The following SF3B1 variants were observed in gnomAD, a reference collection of about 807,000 sequenced individuals.
The protein encoded by SF3B1 is splicing factor 3b subunit 1.
SF3B1 carries 12 observed loss-of-function variants against 153.8 expected under a neutral mutation model. That is an observed-to-expected ratio of 0.08 (90% CI 0.05 to 0.13). The LOEUF is 0.13. SF3B1 is among the 10% of genes least tolerant of loss of function. The pLI, the probability that SF3B1 is intolerant of heterozygous loss-of-function variation, is 1.00. For synonymous variants in SF3B1, 498 were observed against 525.2 expected (o/e 0.95, Z 0.71); for missense variants, 513 against 1,606.1 (o/e 0.32, Z 11.63).
Position 197,405,371 on chromosome 2 carries a change from T to C in SF3B1, c.1341A>G (p.Gln447=). 6.2e-7 allele frequency: 1 copy of C among 1,614,056 alleles called. No homozygotes were observed. The highest frequency in any genetic ancestry group is 1.1e-5 in the South Asian group (1 of 91,072). ...PLGGMTGFHM[Q]TEDRTMKSVN... The stretch of plus-strand genomic sequence containing the variant: ...CACTTTTCATAGTTCGATCTTCAGT[T>C]TGCATGTGGAAACCAGTCATACCAC... The change falls in exon 10 of 25, where the codon CAA becomes CAG. Residue 447 remains glutamine (Q), a synonymous_variant. Transcript: ENST00000335508.
chr2:197,425,163 T>G (rs962024792), intron 1 of SF3B1, among the ~76,000 whole-genome samples: 1 of 148,518 alleles, frequency 6.7e-6, no homozygotes, highest in African/African-American at 2.5e-5. Context: ...CTCAAATAAA[T>G]AAATAAATGA....
chr2:197,399,288 A>G (rs940736328), intron 20 of SF3B1, among the ~76,000 whole-genome samples: 18 of 152,234 alleles, frequency 1.2e-4, no homozygotes, highest in Admixed American at 1.1e-3. Flanking sequence ...TGTGTATCGC[A>G]TAAATACCTC....
Position 197,391,745 on chromosome 2 carries a change from T to G in SF3B1, c.*558A>C, listed in dbSNP as rs190933450. The stretch of plus-strand genomic sequence containing the variant: ...CTACTTTTCTACGATGATGGAATGG[T>G]TGTGCTAGTTTGAGGGGAACATCCC... On this transcript the variant is annotated 3_prime_UTR_variant, in exon 25 of 25. Transcript: ENST00000335508. The G allele has an allele frequency of 1.3e-5, 2 of 153,236 alleles. No homozygotes were observed. Among genetic ancestry groups the G allele is most frequent in the East Asian group, 3.7e-4 (2 of 5,346 alleles). 9.5% of individuals were successfully genotyped at this position (153,236 alleles called of 1,614,324 possible).
Position 197,393,192 on chromosome 2 carries a change from C to CA in SF3B1, c.3540-5dup. On this transcript the variant is annotated splice_polypyrimidine_tract_variant and splice_region_variant and intron_variant, in intron 23 of 24. Coordinates refer to ENST00000335508, the MANE Select transcript of SF3B1 (RefSeq NM_012433.4). ...CGTCTGTCTGTGTACAAGGTCTCTA[C>CA]AACGGAAGGGAAAAAAGTCCTTTAA... The CA allele has an allele frequency of 1.2e-6, 2 of 1,608,192 alleles. No individual in the cohort carries two copies. The highest frequency in any genetic ancestry group is 1.7e-6 in the Non-Finnish European group (2 of 1,174,950).
chr2:197,408,900 G>T (rs1366549930), intron 7 of SF3B1, among the ~76,000 whole-genome samples: 2 of 152,052 alleles, frequency 1.3e-5, no homozygotes, highest in African/African-American at 4.8e-5. Flanking sequence ...TCTAGCTTGG[G>T]TGACAGAGCA....
rs2084896381 is a variant in SF3B1, at chr2:197,398,029, A to G, written c.3222T>C (p.Arg1074=). Residue 1074 remains arginine (R), a synonymous_variant, in exon 22 of 25, where the codon CGT becomes CGC. Coordinates refer to ENST00000335508, the MANE Select transcript of SF3B1 (RefSeq NM_012433.4). ...AACCAAATGTGTTGACTGTGGCTCT[A>G]CGAATAGCCTTTTTGTGGGCTTTTA... is the stretch of plus-strand genomic sequence containing the variant. ...ELLKAHKKAI[R]RATVNTFGYI... 6.2e-7 allele frequency: 1 copy of G among 1,613,434 alleles called. No homozygotes were observed. The highest frequency in any genetic ancestry group is 1.1e-5 in the South Asian group (1 of 91,064).
chr2:197,410,337 C>T (rs766826213), intron 6 of SF3B1, among the ~76,000 whole-genome samples: 4 of 152,056 alleles, frequency 2.6e-5, no homozygotes, highest in South Asian at 2.1e-4. Context: ...GATCAGTAAT[C>T]GAAGGCTTTC....
At chr2:197,419,188 G>A in intron 4 of SF3B1, 1 of 462,602 alleles carries the variant, frequency 2.2e-6, no homozygotes, top group South Asian at 4.5e-5. Context: ...TGTTGACCCA[G>A]AAAACATATT....
Position 197,393,120 on chromosome 2 carries a change from C to T in SF3B1, c.3608G>A (p.Gly1203Asp). 6.2e-7 allele frequency: 1 copy of T among 1,614,060 alleles called. No homozygotes were observed. ...CAAGTGATTCAGCGAATCTTCACAA[C>T]CAAATCCATAAACCCCAAGTGACAT... ...QHMSLGVYGF[G>D]CEDSLNHLLN... Residue 1203 changes from glycine to aspartate, a missense_variant, in exon 24 of 25, where the codon GGT (glycine) becomes GAT (aspartate). By Grantham distance (94) the Gly-to-Asp change is moderately conservative (BLOSUM62 -1). This residue lies in a region of SF3B1 where 27 missense variants were observed against 126.1 expected (regional missense o/e 0.21). Coordinates refer to ENST00000335508, the MANE Select transcript of SF3B1 (RefSeq NM_012433.4).
At position 197,400,597 on chromosome 2, in the gene SF3B1, G is replaced by C; in HGVS notation, c.2718+118C>G. 9.8e-7 allele frequency: 1 copy of C among 1,020,040 alleles called. No homozygotes were observed. The highest frequency in any genetic ancestry group is 1.4e-6 in the Non-Finnish European group (1 of 701,508). 63.2% of individuals were successfully genotyped at this position (1,020,040 alleles called of 1,614,324 possible). A position where few individuals can be genotyped will look rare whatever the true frequency, so the allele number is the denominator to read the frequency against. ...GAATAATATCGTTTGGTAACCCCCT[G>C]AGCATTTTAAAAATTACTTCAAATT... On this transcript the variant is annotated intron_variant, in intron 18 of 24. Transcript: ENST00000335508. This position sits in a 1 kb window ranked among gnomAD's most constrained non-coding sequence, Gnocchi z 5.0.
At position 197,392,570 on chromosome 2, in the gene SF3B1, TGGGGG is replaced by T. The variant is rs10686140; in HGVS notation, c.3757-114_3757-110del. 3 of 142,188 alleles carry T rather than the reference TGGGGG, an allele frequency of 2.1e-5. 1 individual carries two copies. Among genetic ancestry groups the T allele is most frequent in the Non-Finnish European group, 3.9e-5 (3 of 77,310 alleles). The allele number at this position is 142,188 out of a possible 1,614,324, so 8.8% of individuals were successfully genotyped here. ...TTCAAAATTATTTCCCTTGGGGAGT[TGGGGG>T]GGGGGGAACCTACTAATTACACTGC... On this transcript the variant is annotated intron_variant, in intron 24 of 24. Coordinates refer to ENST00000335508, the MANE Select transcript of SF3B1 (RefSeq NM_012433.4).
chr2:197,393,618 A>C (rs567657542), intron 23 of SF3B1, among the ~76,000 whole-genome samples: 1 of 151,760 alleles, frequency 6.6e-6, no homozygotes, highest in Non-Finnish European at 1.5e-5. Context: ...ACGCCTGCCT[A>C]ATTTTTGTAT....
chr2:197,395,242 T>C (rs1009954777), intron 23 of SF3B1, among the ~76,000 whole-genome samples: 2 of 152,222 alleles, frequency 1.3e-5, no homozygotes, highest in African/African-American at 4.8e-5. Flanking sequence ...CCCTCATTTT[T>C]TTTAGCCCTG....
chr2:197,428,302 T>C (rs963608542), intron 1 of SF3B1, among the ~76,000 whole-genome samples: 4 of 151,768 alleles, frequency 2.6e-5, no homozygotes, highest in African/African-American at 7.3e-5. Context: ...GCCTGGGTGT[T>C]AGAGCCAGGC....
chr2:197,407,737 C>T (rs1231769675), intron 9 of SF3B1, among the ~76,000 whole-genome samples: 1 of 151,940 alleles, frequency 6.6e-6, no homozygotes, highest in African/African-American at 2.4e-5. Context: ...TGCTAGAAAA[C>T]TGAAGCACCA....
chr2:197,391,378 G>A lies in SF3B1; in HGVS notation c.*925C>T, dbSNP rs1004983164. The A allele has an allele frequency of 6.6e-6, 1 of 152,218 alleles. No homozygotes were observed. Among genetic ancestry groups the A allele is most frequent in the Non-Finnish European group, 1.5e-5 (1 of 68,058 alleles). 9.4% of individuals were successfully genotyped at this position (152,218 alleles called of 1,614,324 possible). ...TACTGTTCTTAAAGGTAGAGGGCAG[G>A]TCTCATGCACCTTTGCATCCCCTGC... is the stretch of plus-strand genomic sequence containing the variant. On this transcript the variant is annotated 3_prime_UTR_variant, in exon 25 of 25. Coordinates refer to ENST00000335508, the MANE Select transcript of SF3B1 (RefSeq NM_012433.4).
Position 197,419,477 on chromosome 2 carries a change from T to C in SF3B1, c.416-889A>G, listed in dbSNP as rs965152644. The C allele has an allele frequency of 8.2e-5, 18 of 218,574 alleles. No individual in the cohort carries two copies. In the East Asian group the frequency reaches 1.0e-3, roughly 12 times the overall value. 13.5% of individuals were successfully genotyped at this position (218,574 alleles called of 1,614,324 possible). ...ACAATTTAGGAAAAAATAATAAAAT[T>C]CTAAGACATTTCCTATGCTGAAGAT... On this transcript the variant is annotated intron_variant, in intron 4 of 24. Coordinates refer to ENST00000335508, the MANE Select transcript of SF3B1 (RefSeq NM_012433.4).
chr2:197,421,190 A>T, intron 2 of SF3B1, 57 bp from the exon 3 acceptor site: 1 of 1,079,498 alleles, frequency 9.3e-7, no homozygotes, highest in Admixed American at 1.8e-5. Flanking sequence ...TAAAAATTAG[A>T]AAGAATATGC....
At chr2:197,414,032 G>A (rs1263879988) in intron 6 of SF3B1, among the ~76,000 whole-genome samples, 2 of 152,000 alleles carry the variant, frequency 1.3e-5, no homozygotes, top group South Asian at 2.1e-4. Context: ...GGTCTTGAAC[G>A]CCTGACCTCA....
Sources: allele counts gnomAD v4.1 joint callset (sites outside exome capture counted in the v4.1 genomes callset), GRCh38; gene constraint gnomAD v4.1.1; regional missense constraint gnomAD v4.1.1; non-coding constraint Gnocchi (gnomAD v3.1); transcripts MANE v1.5; gene names NCBI Gene and HGNC (gene_info 2026-07-23, HGNC 2026-07-21).